Variants in KCNIP3 observed in about 807,000 individuals in gnomAD.
The protein encoded by KCNIP3 is potassium voltage-gated channel interacting protein 3, also known as calsenilin.
Under a neutral mutation model 35.0 loss-of-function variants are expected in KCNIP3, and 28 were observed. The ratio of observed to expected loss-of-function variants is 0.80; its 90% CI spans 0.59 to 1.10. The LOEUF (loss-of-function observed/expected upper bound fraction) is 1.10. Among genes scored for constraint, KCNIP3 ranks in the 50% least tolerant of loss-of-function variants. KCNIP3 has a pLI of 0.00. For missense variants in KCNIP3, 295 were observed against 338.4 expected (o/e 0.87, Z 1.01); for synonymous variants, 134 against 133.8 (o/e 1.00, Z -0.01).
At chr2:95,327,593 G>A (rs1373020441) in intron 2 of KCNIP3, among the ~76,000 whole-genome samples, 1 of 152,198 alleles carries the variant, frequency 6.6e-6, no homozygotes, top group African/African-American at 2.4e-5. Context: ...ACTGTGAGGA[G>A]GGATCTGGAG....
intron 2 of KCNIP3, among the ~76,000 whole-genome samples, chr2:95,328,085 G>T (rs1312890490): frequency 6.6e-6 from 1 of 152,232 alleles, no homozygotes; most frequent in Non-Finnish European, 1.5e-5. Context: ...AAGGGCCCGT[G>T]TGCAGTTTAT....
chr2:95,343,056 G>A (rs1033597045), intron 2 of KCNIP3, among the ~76,000 whole-genome samples: 6 of 152,254 alleles, frequency 3.9e-5, no homozygotes, highest in African/African-American at 1.4e-4. Context: ...TGGAGGTGGG[G>A]AGAGGCACTG....
intron 2 of KCNIP3, among the ~76,000 whole-genome samples, chr2:95,329,509 G>A (rs1678874416): frequency 6.6e-6 from 1 of 152,252 alleles, no homozygotes; most frequent in Non-Finnish European, 1.5e-5. Context: ...GGGGGGTTAA[G>A]CAGCCTGTCT....
intron 2 of KCNIP3, among the ~76,000 whole-genome samples, chr2:95,330,550 C>G (rs144778603): frequency 2.6e-5 from 4 of 152,206 alleles, no homozygotes; most frequent in African/African-American, 4.8e-5. Context: ...CCGTCCGTAC[C>G]CCCCAGGGCA....
intron 1 of KCNIP3, among the ~76,000 whole-genome samples, chr2:95,309,692 A>G (rs1678264135): frequency 1.3e-5 from 2 of 152,086 alleles, no homozygotes; most frequent in South Asian, 4.1e-4. Flanking sequence ...CTAAAGTGCT[A>G]GGATTACAGG....
intron 8 of KCNIP3, 31 bp downstream of exon 8, chr2:95,383,325 C>A (rs761529839): frequency 6.2e-7 from 1 of 1,605,582 alleles, no homozygotes; most frequent in East Asian, 2.2e-5. Flanking sequence ...GGCCACAGTT[C>A]TCTGCAGGCT....
intron 2 of KCNIP3, among the ~76,000 whole-genome samples, chr2:95,330,873 G>A (rs1370039291): frequency 1.3e-5 from 2 of 152,210 alleles, no homozygotes; most frequent in African/African-American, 4.8e-5. Flanking sequence ...AGAGCTTATA[G>A]GCTATAAAAT....
chr2:95,334,428 G>A (rs767132339), intron 2 of KCNIP3, among the ~76,000 whole-genome samples: 13 of 152,176 alleles, frequency 8.5e-5, no homozygotes, highest in Admixed American at 6.5e-4. Flanking sequence ...AAGGAGGTGC[G>A]AAGCCAGGCA....
At chr2:95,314,899 G>C (rs1222175051) in intron 2 of KCNIP3, among the ~76,000 whole-genome samples, 1 of 152,212 alleles carries the variant, frequency 6.6e-6, no homozygotes, top group East Asian at 1.9e-4. Context: ...GGGAGAGGCA[G>C]CACATCCAGC....
intron 2 of KCNIP3, among the ~76,000 whole-genome samples, chr2:95,344,850 C>T (rs1464098808): frequency 1.3e-5 from 2 of 152,176 alleles, no homozygotes; most frequent in African/African-American, 4.8e-5. Context: ...GAAACTGAGG[C>T]TTAGAGGGGT....
intron 2 of KCNIP3, among the ~76,000 whole-genome samples, chr2:95,359,870 G>C (rs1195161666): frequency 6.6e-6 from 1 of 152,246 alleles, no homozygotes; most frequent in Non-Finnish European, 1.5e-5. Flanking sequence ...GGTGGAATGT[G>C]AGGAGCAGAG....
chr2:95,380,620 T>C (rs1313577097), intron 5 of KCNIP3, among the ~76,000 whole-genome samples: 2 of 152,208 alleles, frequency 1.3e-5, no homozygotes, highest in African/African-American at 2.4e-5. Flanking sequence ...AGTTGTCACA[T>C]GGAAACCATT....
intron 2 of KCNIP3, among the ~76,000 whole-genome samples, chr2:95,339,725 G>A (rs1270662503): frequency 1.3e-5 from 2 of 152,168 alleles, no homozygotes; most frequent in Non-Finnish European, 2.9e-5. Context: ...CTGTGAATAA[G>A]CCTTCAATAC....
chr2:95,317,445 C>T (rs565860743), intron 2 of KCNIP3, among the ~76,000 whole-genome samples: 3 of 152,300 alleles, frequency 2.0e-5, no homozygotes, highest in Admixed American at 6.5e-5. Flanking sequence ...GGGGCCAGCC[C>T]TGTGGCAGGG....
At chr2:95,349,394 T>C (rs753712647) in intron 2 of KCNIP3, among the ~76,000 whole-genome samples, 14 of 152,216 alleles carry the variant, frequency 9.2e-5, no homozygotes, top group Non-Finnish European at 1.6e-4. Context: ...ACCAGAGTTA[T>C]GGTGCCCTGG....
chr2:95,308,881 C>T (rs534155691), intron 1 of KCNIP3, among the ~76,000 whole-genome samples: 16 of 152,318 alleles, frequency 1.1e-4, no homozygotes, highest in Admixed American at 7.8e-4. Context: ...TGCTTGACGG[C>T]CCCGTCCATC....
chr2:95,380,818 C>T (rs1215663624), intron 5 of KCNIP3, among the ~76,000 whole-genome samples: 2 of 152,140 alleles, frequency 1.3e-5, no homozygotes, highest in African/African-American at 4.8e-5. Flanking sequence ...AGTTGGAGAC[C>T]AGCCTGGACA....
chr2:95,297,546 T>C (rs111766364), intron 1 of KCNIP3, 93 bp downstream of exon 1: 4 of 1,002,258 alleles, frequency 4.0e-6, no homozygotes, highest in Non-Finnish European at 5.9e-6. Context: ...GAAGCCTTTT[T>C]CTTTGACCCT....
intron 8 of KCNIP3, 123 bp from the exon 9 acceptor site, chr2:95,383,879 C>A: frequency 1.2e-6 from 1 of 839,152 alleles, no homozygotes; most frequent in African/African-American, 1.7e-5. Flanking sequence ...GCTCCCTGCA[C>A]CCAATAAGAC....
Sources: gnomAD v4.1 joint callset for allele counts (sites outside exome capture counted in the v4.1 genomes callset) on GRCh38, gnomAD v4.1.1 for gene constraint, MANE v1.5 for transcripts, NCBI Gene and HGNC (gene_info 2026-07-23, HGNC 2026-07-21) for gene names.